The following SORCS3 variants were observed in gnomAD, a reference collection of about 807,000 sequenced individuals.
SORCS3 encodes the protein VPS10 domain-containing receptor SorCS3.
Under a neutral mutation model 146.3 loss-of-function variants are expected in SORCS3, and 57 were observed. The observed-to-expected ratio is 0.39, with a 90% CI of 0.31 to 0.49. The LOEUF is 0.49. SORCS3 is among the 20% of genes least tolerant of loss of function. The probability of loss-of-function intolerance (pLI) is 0.92; values close to 1 mark genes in which losing one functional copy is unlikely to be tolerated. For missense variants in SORCS3, 1,341 were observed against 1,575.5 expected (o/e 0.85, Z 2.52); for synonymous variants, 653 against 618.5 (o/e 1.06, Z -0.83).
At chr10:104,958,022 G>A (rs1280668302) in intron 3 of SORCS3, among the ~76,000 whole-genome samples, 1 of 152,134 alleles carries the variant, frequency 6.6e-6, no homozygotes, top group Non-Finnish European at 1.5e-5. Flanking sequence ...CAGGATGAGA[G>A]AACACCCACG....
intron 7 of SORCS3, among the ~76,000 whole-genome samples, chr10:105,108,320 C>T (rs992528117): frequency 6.6e-6 from 1 of 151,966 alleles, no homozygotes; most frequent in Non-Finnish European, 1.5e-5. Flanking sequence ...AGCGGGGGTT[C>T]GTCATGGAGC....
At chr10:105,162,178 A>C (rs1193953093) in intron 11 of SORCS3, among the ~76,000 whole-genome samples, 3 of 152,148 alleles carry the variant, frequency 2.0e-5, no homozygotes, top group Admixed American at 2.0e-4. Context: ...TTTAATATTT[A>C]AGGAGCAGAG....
intron 24 of SORCS3, among the ~76,000 whole-genome samples, chr10:105,256,066 C>T (rs1420631731): frequency 6.6e-6 from 1 of 152,104 alleles, no homozygotes; most frequent in Admixed American, 6.5e-5. Context: ...TGGGTCTTAA[C>T]CTTATTCGTT....
chr10:105,035,302 T>G (rs1039033691), intron 4 of SORCS3, among the ~76,000 whole-genome samples: 3 of 152,216 alleles, frequency 2.0e-5, no homozygotes, highest in African/African-American at 7.2e-5. Flanking sequence ...TTTGCACTTG[T>G]GTTTAAGATC....
In SORCS3 at chr10:105,214,424, A is replaced by G. The variant is rs771363261; in HGVS notation, c.2376-18A>G. 6.8e-6 allele frequency: 11 copies of G among 1,613,690 alleles called. No individual in the cohort carries two copies. In the Admixed American group the frequency reaches 1.5e-4, roughly 22 times the overall value. Reference sequence around the variant, plus strand: ...ACACAATCAACACAAACCACTATCAATTGTCAATTCTACTTAGGTATCGGC... The same window carrying G: ...ACACAATCAACACAAACCACTATCAGTTGTCAATTCTACTTAGGTATCGGC... On this transcript the variant is annotated intron_variant, in intron 17 of 26. Coordinates refer to ENST00000369701, the MANE Select transcript of SORCS3 (RefSeq NM_014978.3).
chr10:104,927,773 G>A (rs2019163482), intron 3 of SORCS3, among the ~76,000 whole-genome samples: 1 of 151,996 alleles, frequency 6.6e-6, no homozygotes. Context: ...AGCTACTCGG[G>A]AGGCTGAGGC....
Position 104,992,478 on chromosome 10 carries a change from G to A in SORCS3, c.954+14985G>A, listed in dbSNP as rs368072753. Among the ~76,000 whole-genome samples, 353 of 152,298 alleles carry A rather than the reference G, an allele frequency of 2.3e-3. 2 individuals are homozygous for A. The highest frequency in any genetic ancestry group is 8.2e-3 in the African/African-American group (342 of 41,570). On this transcript the variant is annotated intron_variant, in intron 4 of 26. Transcript: ENST00000369701. The stretch of plus-strand genomic sequence containing the variant: ...GAAAATGTCAGCAGATCTCAGATGT[G>A]CCAGAAGTTACAGAAAGTTTGGTTG...
chr10:105,231,012 C>A (rs2056762595), intron 20 of SORCS3, among the ~76,000 whole-genome samples: 1 of 152,162 alleles, frequency 6.6e-6, no homozygotes, highest in African/African-American at 2.4e-5. Flanking sequence ...ATGTGGACTT[C>A]TGGAGGTCTC....
At position 105,164,380 on chromosome 10, in the gene SORCS3, G is replaced by C; in HGVS notation, c.1809+1G>C. 6.2e-7 allele frequency: 1 copy of C among 1,608,372 alleles called. No homozygotes were observed. Among genetic ancestry groups the C allele is most frequent in the Non-Finnish European group, 8.5e-7 (1 of 1,174,942 alleles). On this transcript the variant is annotated splice_donor_variant, in intron 12 of 26. Coordinates refer to ENST00000369701, the MANE Select transcript of SORCS3 (RefSeq NM_014978.3). LOFTEE classifies it high-confidence loss of function. The stretch of plus-strand genomic sequence containing the variant: ...CGATGGGGGCAACACATGGAGACAG[G>C]TAACTGGGTGAATTGACAAAAAGGG...
At chr10:104,861,303 G>T (rs1336423353) in intron 2 of SORCS3, among the ~76,000 whole-genome samples, 1 of 152,176 alleles carries the variant, frequency 6.6e-6, no homozygotes, top group East Asian at 1.9e-4. Flanking sequence ...TTGAATCCCA[G>T]TTATGCCACT....
intron 5 of SORCS3, 110 bp from the exon 6 acceptor site, chr10:105,089,665 C>A: frequency 3.7e-6 from 3 of 810,894 alleles, no homozygotes; most frequent in Admixed American, 2.0e-5. Flanking sequence ...GCAGGATGGT[C>A]CTCTTTGAGA....
At chr10:104,865,796 G>A (rs1206176775) in intron 2 of SORCS3, among the ~76,000 whole-genome samples, 1 of 152,238 alleles carries the variant, frequency 6.6e-6, no homozygotes, top group Non-Finnish European at 1.5e-5. Context: ...TGAGCACAAT[G>A]CATCTGACAA....
At chr10:105,004,899 C>T (rs1390136893) in intron 4 of SORCS3, among the ~76,000 whole-genome samples, 1 of 152,122 alleles carries the variant, frequency 6.6e-6, no homozygotes, top group East Asian at 1.9e-4. Context: ...ATAATCAGCT[C>T]CTCTCTAAAC....
intron 13 of SORCS3, among the ~76,000 whole-genome samples, chr10:105,171,235 G>A (rs369780959): frequency 4.6e-5 from 7 of 152,278 alleles, no homozygotes; most frequent in East Asian, 1.9e-4. Context: ...CCAGATAGGC[G>A]TGAACGCAAA....
chr10:105,105,262 G>T, intron 6 of SORCS3, 135 bp from the exon 7 acceptor site: 2 of 582,158 alleles, frequency 3.4e-6, no homozygotes, highest in South Asian at 2.3e-5. Context: ...AAATTCTGTG[G>T]ACAAAAGCAT....
At position 105,217,033 on chromosome 10, in the gene SORCS3, T is replaced by C. The variant is rs750578873; in HGVS notation, c.2645T>C (p.Val882Ala). Reference protein sequence around the residue: ...FSPIEDGIKHVYKSAGIFQVT... With the variant: ...FSPIEDGIKHAYKSAGIFQVT... Reference sequence around the variant, plus strand: ...CCCATCGAGGACGGCATCAAGCACGTGTATAAGAGTGCGGGGATCTTCCAG... The same window carrying C: ...CCCATCGAGGACGGCATCAAGCACGCGTATAAGAGTGCGGGGATCTTCCAG... The change falls in exon 19 of 27, where the codon GTG (valine) becomes GCG (alanine). Residue 882 changes from valine to alanine, a missense_variant. By Grantham distance (64) the Val-to-Ala change is moderately conservative (BLOSUM62 0). Transcript: ENST00000369701. The C allele has an allele frequency of 6.2e-7, 1 of 1,614,100 alleles. No individual in the cohort carries two copies. Among genetic ancestry groups the C allele is most frequent in the African/African-American group, 1.3e-5 (1 of 75,032 alleles).
chr10:104,695,894 T>C, intron 1 of SORCS3, among the ~76,000 whole-genome samples: 1 of 148,734 alleles, frequency 6.7e-6, no homozygotes, highest in East Asian at 1.9e-4. Flanking sequence ...TGAAACAGCT[T>C]AAGTGTCCAA....
chr10:105,016,134 A>T (rs1205540773), intron 4 of SORCS3, among the ~76,000 whole-genome samples: 9 of 113,692 alleles, frequency 7.9e-5, no homozygotes, highest in African/African-American at 1.2e-4. Flanking sequence ...ATATTATATA[A>T]ATATATATAT....
In SORCS3 at chr10:104,766,494, G is replaced by A. The variant is rs553682794; in HGVS notation, c.628-76298G>A. ...ATGTGAGCTTTGTGGGAAGAGGAGG[G>A]GCTGTGTCTTTGTGTTCACTCTTGT... On this transcript the variant is annotated intron_variant, in intron 1 of 26. Transcript: ENST00000369701. 5.3e-5 allele frequency among the ~76,000 whole-genome samples: 8 copies of A among 152,296 alleles called. No homozygotes were observed. The South Asian group carries it at 1.5e-3, about 28-fold the overall frequency.
Sources: gnomAD v4.1 joint callset for allele counts (sites outside exome capture counted in the v4.1 genomes callset) on GRCh38, gnomAD v4.1.1 for gene constraint, MANE v1.5 for transcripts, NCBI Gene and HGNC (gene_info 2026-07-23, HGNC 2026-07-21) for gene names.